Variants in FBXL7 observed in about 807,000 individuals in gnomAD.
The protein encoded by FBXL7 is F-box/LRR-repeat protein 7.
In FBXL7, 12 loss-of-function variants were observed where a neutral mutation model predicts 38.3. The ratio of observed to expected loss-of-function variants is 0.31; its 90% confidence interval spans 0.20 to 0.51. FBXL7 has a LOEUF of 0.51. Among genes scored for constraint, FBXL7 ranks in the 20% least tolerant of loss-of-function variants. The pLI is 0.98. For synonymous variants in FBXL7, 297 were observed against 300.9 expected (o/e 0.99, Z 0.13); for missense variants, 567 against 676.4 (o/e 0.84, Z 1.79).
At chr5:15,683,541 A>G (rs1016443325) in intron 2 of FBXL7, among the ~76,000 whole-genome samples, 1 of 152,234 alleles carries the variant, frequency 6.6e-6, no homozygotes, top group Non-Finnish European at 1.5e-5. Context: ...ATTCTGGGAC[A>G]TCATAAAGAG....
rs538024717 is a variant in FBXL7, at chr5:15,643,456, A to G, written c.127+27384A>G. On this transcript the variant is annotated intron_variant, in intron 2 of 3. Coordinates refer to ENST00000504595, the MANE Select transcript of FBXL7 (RefSeq NM_012304.5). Reference sequence around the variant, plus strand: ...TCATGGTGAAGTCCAAGGCAAGGGCATAGAAAGACCACTTGACCCTGGATG... The same window carrying G: ...TCATGGTGAAGTCCAAGGCAAGGGCGTAGAAAGACCACTTGACCCTGGATG... Among the ~76,000 whole-genome samples, 62 of 152,354 alleles carry G rather than the reference A, an allele frequency of 4.1e-4. 1 individual carries two copies. Among genetic ancestry groups the G allele is most frequent in the African/African-American group, 1.4e-3 (59 of 41,584 alleles).
At chr5:15,553,562 G>T (rs893763098) in intron 1 of FBXL7, among the ~76,000 whole-genome samples, 3 of 152,200 alleles carry the variant, frequency 2.0e-5, no homozygotes, top group Non-Finnish European at 4.4e-5. Context: ...TATCTAGCTA[G>T]TGCTTCATAA....
intron 2 of FBXL7, among the ~76,000 whole-genome samples, chr5:15,830,159 C>G (rs1738414183): frequency 6.6e-6 from 1 of 152,066 alleles, no homozygotes; most frequent in Non-Finnish European, 1.5e-5. Flanking sequence ...CTTCCAAGGT[C>G]TTGGAAATGT....
intron 2 of FBXL7, among the ~76,000 whole-genome samples, chr5:15,784,110 G>C (rs1044357538): frequency 2.0e-5 from 3 of 152,132 alleles, no homozygotes; most frequent in Non-Finnish European, 2.9e-5. Context: ...TCTCACAGTA[G>C]TTATTACCAT....
intron 2 of FBXL7, among the ~76,000 whole-genome samples, chr5:15,787,179 TG>T (rs1737154429): frequency 1.3e-5 from 2 of 152,326 alleles, no homozygotes; most frequent in Non-Finnish European, 2.9e-5. Context: ...ACATTTCTGT[TG>T]TTTTTAAGGC....
intron 2 of FBXL7, among the ~76,000 whole-genome samples, chr5:15,677,947 GAA>G (rs1208386059): frequency 6.6e-6 from 1 of 152,098 alleles, no homozygotes; most frequent in Non-Finnish European, 1.5e-5. Context: ...ACCTTCCTAA[GAA>G]AGGGCACCTT....
intron 2 of FBXL7, among the ~76,000 whole-genome samples, chr5:15,841,731 G>A (rs1451900858): frequency 6.6e-6 from 1 of 152,236 alleles, no homozygotes; most frequent in African/African-American, 2.4e-5. Context: ...CAGTGTCCCA[G>A]CCACTCCAGC....
At chr5:15,671,490 G>A (rs1742475789) in intron 2 of FBXL7, among the ~76,000 whole-genome samples, 2 of 152,026 alleles carry the variant, frequency 1.3e-5, no homozygotes, top group Admixed American at 6.6e-5. Flanking sequence ...ATCAGCTTAG[G>A]CTAATAAATA....
intron 2 of FBXL7, among the ~76,000 whole-genome samples, chr5:15,635,364 A>G (rs1043817689): frequency 2.0e-5 from 3 of 152,196 alleles, no homozygotes. Flanking sequence ...TCAGGGCTCC[A>G]GAAAGAGTCT....
chr5:15,918,910 T>C (rs1741670475), intron 2 of FBXL7, among the ~76,000 whole-genome samples: 1 of 152,234 alleles, frequency 6.6e-6, no homozygotes, highest in Non-Finnish European at 1.5e-5. Flanking sequence ...TGCATACATT[T>C]CTACTTTATC....
intron 2 of FBXL7, among the ~76,000 whole-genome samples, chr5:15,791,753 A>G (rs1206759179): frequency 6.6e-6 from 1 of 152,080 alleles, no homozygotes; most frequent in Non-Finnish European, 1.5e-5. Flanking sequence ...CTGGATAGTA[A>G]ATACCCTGAC....
chr5:15,630,282 A>G (rs1217375560), intron 2 of FBXL7, among the ~76,000 whole-genome samples: 1 of 152,202 alleles, frequency 6.6e-6, no homozygotes, highest in Non-Finnish European at 1.5e-5. Context: ...TTCCTTCCTC[A>G]GCAATTTAAT....
At chr5:15,735,381 G>A (rs1278125773) in intron 2 of FBXL7, among the ~76,000 whole-genome samples, 3 of 152,204 alleles carry the variant, frequency 2.0e-5, no homozygotes, top group Non-Finnish European at 4.4e-5. Flanking sequence ...AAGGGCTGTT[G>A]AGGAATGAAT....
At chr5:15,876,245 G>A (rs1164071315) in intron 2 of FBXL7, among the ~76,000 whole-genome samples, 2 of 151,918 alleles carry the variant, frequency 1.3e-5, no homozygotes, top group South Asian at 4.1e-4. Flanking sequence ...ATGGGTGCCT[G>A]TCAGAGGGTG....
chr5:15,638,314 A>G (rs1024480018), intron 2 of FBXL7, among the ~76,000 whole-genome samples: 2 of 152,156 alleles, frequency 1.3e-5, no homozygotes, highest in Non-Finnish European at 2.9e-5. Context: ...CCTGTGTGTG[A>G]GGAAGGCTCA....
chr5:15,873,592 T>C (rs1740067831), intron 2 of FBXL7, among the ~76,000 whole-genome samples: 1 of 152,098 alleles, frequency 6.6e-6, no homozygotes. Flanking sequence ...AGATCATCAC[T>C]GATCCCGCAG....
At chr5:15,841,565 A>G (rs1306677882) in intron 2 of FBXL7, among the ~76,000 whole-genome samples, 1 of 152,146 alleles carries the variant, frequency 6.6e-6, no homozygotes, top group African/African-American at 2.4e-5. Context: ...CATTCCTGAA[A>G]TATGTCCCAA....
chr5:15,784,533 C>G (rs1465004493), intron 2 of FBXL7, among the ~76,000 whole-genome samples: 1 of 151,914 alleles, frequency 6.6e-6, no homozygotes, highest in Non-Finnish European at 1.5e-5. Flanking sequence ...AATGTAATCC[C>G]CAGTGTTAGA....
intron 2 of FBXL7, among the ~76,000 whole-genome samples, chr5:15,774,960 C>T (rs77198425): frequency 0.071 from 10,825 of 152,208 alleles, 396 homozygotes; most frequent in East Asian, 0.1. Flanking sequence ...GTGAACAGAG[C>T]TTAGTGCCTG....
Sources: gnomAD v4.1 joint callset for allele counts (sites outside exome capture counted in the v4.1 genomes callset) on GRCh38, gnomAD v4.1.1 for gene constraint, MANE v1.5 for transcripts, NCBI Gene and HGNC (gene_info 2026-07-23, HGNC 2026-07-21) for gene names.